The following IL17RE variants were observed in gnomAD, a reference collection of about 807,000 sequenced individuals.
IL17RE encodes the protein interleukin-17 receptor E.
Under a neutral mutation model 70.7 loss-of-function variants are expected in IL17RE, and 47 were observed. The observed-to-expected ratio is 0.67, with a 90% confidence interval of 0.53 to 0.85. The LOEUF is 0.85. IL17RE is among the 40% of genes least tolerant of loss of function. The pLI is 0.00. For missense variants in IL17RE, 850 were observed against 893.9 expected (o/e 0.95, Z 0.63); for synonymous variants, 372 against 381.2 (o/e 0.98, Z 0.28).
intron 7 of IL17RE, among the ~76,000 whole-genome samples, chr3:9,908,801 G>A (rs551912895): frequency 6.6e-6 from 1 of 152,334 alleles, no homozygotes; most frequent in Admixed American, 6.5e-5. Context: ...ACCTAAGGGA[G>A]GATGATGGCA....
rs1369246834 is a variant in IL17RE at position 9,915,225 on chromosome 3, C to A, written c.1448-26C>A. ...CTGAGCAGTCCCTCAGCCGCCCAGC[C>A]TTCATCTGTTGCTTCCCGCCACCAG... On this transcript the variant is annotated intron_variant, in intron 15 of 15. Coordinates refer to ENST00000383814, the MANE Select transcript of IL17RE (RefSeq NM_153480.2). This position sits in a 1 kb window ranked among gnomAD's most constrained non-coding sequence, Gnocchi z 4.9. 1 of 1,375,142 alleles carries A rather than the reference C, an allele frequency of 7.3e-7. No homozygotes were observed. Among genetic ancestry groups the A allele is most frequent in the Non-Finnish European group, 9.3e-7 (1 of 1,069,656 alleles). 85.2% of individuals were successfully genotyped at this position (1,375,142 alleles called of 1,614,324 possible). A position where few individuals can be genotyped will look rare whatever the true frequency, so the allele number is the denominator to read the frequency against.
At position 9,915,571 on chromosome 3, in the gene IL17RE, C is replaced by T. The variant is rs2083028277; in HGVS notation, c.1768C>T (p.Leu590=). ...CCACGCTGCCCCGCGCCCGCTGCTG[C>T]TGCTCGCTTACTTCAGTCGCCTCTG... ...LLHAAPRPLL[L]LAYFSRLCAK... The change falls in exon 16 of 16, where the codon CTG becomes TTG. Residue 590 remains leucine (L), a synonymous_variant. Transcript: ENST00000383814. The surrounding 1 kb of genome is among the most constrained non-coding windows in gnomAD (Gnocchi z 4.9). The T allele has an allele frequency of 8.5e-6, 12 of 1,416,658 alleles. No homozygotes were observed. The East Asian group carries it at 3.4e-4, about 40-fold the overall frequency. The allele number at this position is 1,416,658 out of a possible 1,614,324, so 87.8% of individuals were successfully genotyped here.
At chr3:9,903,511 A>T (rs2082685004) in intron 2 of IL17RE, 99 bp downstream of exon 2, 3 of 1,329,242 alleles carry the variant, frequency 2.3e-6, no homozygotes, top group Non-Finnish European at 3.2e-6. Flanking sequence ...CCAACCCGGG[A>T]AGTAGCACAA....
At chr3:9,911,656 G>A in intron 12 of IL17RE, 59 bp downstream of exon 12, 2 of 1,498,336 alleles carry the variant, frequency 1.3e-6, no homozygotes, top group East Asian at 4.6e-5. Context: ...ATTTCCTTGT[G>A]ACCTCATTGA....
intron 2 of IL17RE, 100 bp from the exon 3 acceptor site, chr3:9,903,932 C>T (rs762918717): frequency 2.1e-6 from 3 of 1,437,352 alleles, no homozygotes; most frequent in Non-Finnish European, 2.9e-6. Flanking sequence ...CAAAGTCATA[C>T]TTCCAGGATG....
Position 9,911,141 on chromosome 3 carries a change from G to A in IL17RE, c.993G>A (p.Glu331=), listed in dbSNP as rs1251671375. The A allele has an allele frequency of 6.2e-7, 1 of 1,614,216 alleles. No individual in the cohort carries two copies. The highest frequency in any genetic ancestry group is 1.1e-5 in the South Asian group (1 of 91,088). ...TCCTCCCACAGTGGTATGTTTTGGA[G>A]AAGGTGGACCTGCACCCCCAGCTCT... ...ARESDGWYVL[E]KVDLHPQLCF... Residue 331 remains glutamate (E), a synonymous_variant, in exon 10 of 16, where the codon GAG becomes GAA. Transcript: ENST00000383814.
chr3:9,914,286 A>G, intron 13 of IL17RE: 1 of 824,754 alleles, frequency 1.2e-6, no homozygotes, highest in South Asian at 1.9e-5. Flanking sequence ...TGATTGTTTC[A>G]GTCAGGGCCT....
chr3:9,906,389 C>A lies in IL17RE; in HGVS notation c.294C>A (p.Leu98=), dbSNP rs2082758062. The part of the protein sequence containing the change: ...GSGLQRGLFH[L]LVQKSKKSST... Reference sequence around the variant, plus strand: ...GTCTTCAACGGGGCCTCTTCCACCTCCTGGTGCAGAAATCCAAAAAGTCTT... The same window carrying A: ...GTCTTCAACGGGGCCTCTTCCACCTACTGGTGCAGAAATCCAAAAAGTCTT... The change falls in exon 4 of 16, where the codon CTC becomes CTA. Residue 98 remains leucine (L), a synonymous_variant. Transcript: ENST00000383814. 1 of 1,613,992 alleles carries A rather than the reference C, an allele frequency of 6.2e-7. No homozygotes were observed. Among genetic ancestry groups the A allele is most frequent in the Non-Finnish European group, 8.5e-7 (1 of 1,179,906 alleles).
intron 3 of IL17RE, among the ~76,000 whole-genome samples, chr3:9,905,900 C>G (rs2125074725): frequency 6.6e-6 from 1 of 152,260 alleles, no homozygotes; most frequent in East Asian, 1.9e-4. Context: ...TTAATCTTTT[C>G]TTGATTGCTT....
intron 6 of IL17RE, among the ~76,000 whole-genome samples, chr3:9,907,900 TA>T (rs2082797062): frequency 6.6e-6 from 1 of 152,190 alleles, no homozygotes; most frequent in South Asian, 2.1e-4. Flanking sequence ...TTATCATTTT[TA>T]TAACAGTGAG....
intron 12 of IL17RE, 143 bp from the exon 13 acceptor site, chr3:9,913,813 C>G (rs561445154): frequency 1.5e-6 from 1 of 657,274 alleles, no homozygotes; most frequent in South Asian, 1.8e-5. Context: ...ACTGGGGAAG[C>G]CTTCTTGTCA....
In IL17RE at chr3:9,914,777, G is replaced by C. The variant is rs541556156; in HGVS notation, c.1447G>C (p.Gly483Arg). The change falls in exon 15 of 16, where the codon GGC becomes CGC. Residue 483 changes from glycine (G) to arginine (R), a missense_variant and splice_region_variant. Physicochemically the swap from Gly to Arg is moderately radical, Grantham distance 125. Coordinates refer to ENST00000383814, the MANE Select transcript of IL17RE (RefSeq NM_153480.2). ...CCTCACCTGCCGGCGCCCACAGTCAGGTAAGCTCACCTGGGGTAACCTGGG... is the reference window on the plus strand; with the variant it reads ...CCTCACCTGCCGGCGCCCACAGTCACGTAAGCTCACCTGGGGTAACCTGGG... ...LALTCRRPQSGPGPARPVLLL... is the reference protein window; with the variant it reads ...LALTCRRPQSRPGPARPVLLL... 2 of 1,613,342 alleles carry C rather than the reference G, an allele frequency of 1.2e-6. No homozygotes were observed. The highest frequency in any genetic ancestry group is 4.5e-5 in the East Asian group (2 of 44,864).
Position 9,915,924 on chromosome 3 carries a change from G to T in IL17RE, c.*117G>T. 5 of 1,331,494 alleles carry T rather than the reference G, an allele frequency of 3.8e-6. No homozygotes were observed. The highest frequency in any genetic ancestry group is 1.9e-5 in the South Asian group (1 of 52,072). 82.5% of individuals were successfully genotyped at this position (1,331,494 alleles called of 1,614,324 possible). The stretch of plus-strand genomic sequence containing the variant: ...TGGGGTGCCTCGAGGACGACTGGCC[G>T]AAAAGCCGCATTCCCTGCCTCACAG... On this transcript the variant is annotated 3_prime_UTR_variant, in exon 16 of 16. Coordinates refer to ENST00000383814, the MANE Select transcript of IL17RE (RefSeq NM_153480.2). The surrounding 1 kb of genome is among the most constrained non-coding windows in gnomAD (Gnocchi z 4.9).
rs903256778 is a variant in IL17RE at position 9,904,228 on chromosome 3, C to A, written c.268+77C>A. 5 of 1,516,728 alleles carry A rather than the reference C, an allele frequency of 3.3e-6. No homozygotes were observed. In the African/African-American group the frequency reaches 4.1e-5, roughly 12 times the overall value. The allele number at this position is 1,516,728 out of a possible 1,614,324, so 94.0% of individuals were successfully genotyped here. A position where few individuals can be genotyped will look rare whatever the true frequency, so the allele number is the denominator to read the frequency against. On this transcript the variant is annotated intron_variant, in intron 3 of 15. Coordinates refer to ENST00000383814, the MANE Select transcript of IL17RE (RefSeq NM_153480.2). ...GACCACCTAGGCTGAGCAAGTGGGACTTACTAGAACAGATATTTGTCTTGT... is the reference window on the plus strand; with the variant it reads ...GACCACCTAGGCTGAGCAAGTGGGAATTACTAGAACAGATATTTGTCTTGT...
intron 8 of IL17RE, 67 bp from the exon 9 acceptor site, chr3:9,910,798 G>C: frequency 7.0e-7 from 1 of 1,430,466 alleles, no homozygotes; most frequent in South Asian, 1.3e-5. Context: ...CTGCCCCCAG[G>C]ATGTGGGTGG....
intron 6 of IL17RE, among the ~76,000 whole-genome samples, chr3:9,907,613 G>A (rs1575484458): frequency 6.6e-6 from 1 of 152,082 alleles, no homozygotes; most frequent in African/African-American, 2.4e-5. Context: ...TCAAGTTAGT[G>A]ACAAGTAAGA....
intron 3 of IL17RE, among the ~76,000 whole-genome samples, chr3:9,904,684 G>C (rs572361504): frequency 6.6e-6 from 1 of 152,210 alleles, no homozygotes; most frequent in Non-Finnish European, 1.5e-5. Flanking sequence ...CTGCTCAGGA[G>C]GCTGAGGCAG....
intron 14 of IL17RE, 37 bp downstream of exon 14, chr3:9,914,636 G>A: frequency 6.2e-7 from 1 of 1,612,702 alleles, no homozygotes; most frequent in Admixed American, 1.7e-5. Flanking sequence ...GAGGGAGGCT[G>A]GGCACTGAGG....
In IL17RE at chr3:9,907,025, C is replaced by G; in HGVS notation, c.591C>G (p.Gly197=). 6.2e-7 allele frequency: 1 copy of G among 1,614,148 alleles called. No individual in the cohort carries two copies. Among genetic ancestry groups the G allele is most frequent in the Non-Finnish European group, 8.5e-7 (1 of 1,180,036 alleles). The change falls in exon 6 of 16, where the codon GGC becomes GGG. Residue 197 remains glycine, a synonymous_variant. Coordinates refer to ENST00000383814, the MANE Select transcript of IL17RE (RefSeq NM_153480.2). The part of the protein sequence containing the change: ...ARAIRVTISS[G]PEVSVRLCHQ... ...CTATTCGGGTGACCATATCTTCAGG[C>G]CCTGAGGTCAGCGTGCGTCTTTGTC...
Sources: allele counts gnomAD v4.1 joint callset (sites outside exome capture counted in the v4.1 genomes callset), GRCh38; gene constraint gnomAD v4.1.1; non-coding constraint Gnocchi (gnomAD v3.1); transcripts MANE v1.5; gene names NCBI Gene and HGNC (gene_info 2026-07-23, HGNC 2026-07-21).